Variants in SORCS3 observed in about 807,000 individuals in gnomAD.
SORCS3 encodes VPS10 domain-containing receptor SorCS3.
In SORCS3, 57 loss-of-function variants were observed where a neutral mutation model predicts 146.3. The observed-to-expected ratio is 0.39, with a 90% CI of 0.31 to 0.49. The LOEUF is 0.49. SORCS3 is among the 20% of genes least tolerant of loss of function. The probability of loss-of-function intolerance (pLI) is 0.92; values close to 1 mark genes in which losing one functional copy is unlikely to be tolerated. For missense variants in SORCS3, 1,341 were observed against 1,575.5 expected (o/e 0.85, Z 2.52); for synonymous variants, 653 against 618.5 (o/e 1.06, Z -0.83).
chr10:105,191,938 T>C (rs572912310), intron 14 of SORCS3, among the ~76,000 whole-genome samples: 3 of 152,250 alleles, frequency 2.0e-5, no homozygotes, highest in African/African-American at 4.8e-5. Flanking sequence ...CCAAATACAA[T>C]GTCTAGACTA....
At chr10:104,914,373 G>C (rs2019003381) in intron 2 of SORCS3, among the ~76,000 whole-genome samples, 1 of 152,294 alleles carries the variant, frequency 6.6e-6, no homozygotes, top group Non-Finnish European at 1.5e-5. Context: ...GCAGAAAAGA[G>C]AGGAGCGGTG....
intron 7 of SORCS3, among the ~76,000 whole-genome samples, chr10:105,112,548 G>A (rs1384166867): frequency 6.6e-6 from 1 of 152,122 alleles, no homozygotes; most frequent in African/African-American, 2.4e-5. Flanking sequence ...GATGCTATAT[G>A]AGCACAGTAT....
At chr10:104,735,644 C>T (rs1051518002) in intron 1 of SORCS3, among the ~76,000 whole-genome samples, 6 of 151,740 alleles carry the variant, frequency 4.0e-5, no homozygotes, top group Admixed American at 1.3e-4. Flanking sequence ...GCAGTGATAG[C>T]GGAAATTAAT....
chr10:104,689,128 T>G (rs1044637842), intron 1 of SORCS3, among the ~76,000 whole-genome samples: 1 of 152,192 alleles, frequency 6.6e-6, no homozygotes, highest in African/African-American at 2.4e-5. Flanking sequence ...TGCTTCATTT[T>G]CCATCACTCC....
chr10:104,686,851 A>T (rs1047488873), intron 1 of SORCS3, among the ~76,000 whole-genome samples: 2 of 151,810 alleles, frequency 1.3e-5, no homozygotes, highest in Non-Finnish European at 2.9e-5. Context: ...TCATTCATCC[A>T]CCTACCCATC....
intron 1 of SORCS3, among the ~76,000 whole-genome samples, chr10:104,714,934 G>A (rs1171229589): frequency 3.1e-4 from 47 of 152,192 alleles, no homozygotes; most frequent in Admixed American, 3.1e-3. Flanking sequence ...GAGTCAAGAG[G>A]ACAGGGAGGA....
At chr10:104,694,853 A>G (rs940940019) in intron 1 of SORCS3, among the ~76,000 whole-genome samples, 5 of 152,184 alleles carry the variant, frequency 3.3e-5, no homozygotes, top group African/African-American at 9.7e-5. Flanking sequence ...ATTATATGAG[A>G]TTATTGATAT....
intron 1 of SORCS3, among the ~76,000 whole-genome samples, chr10:104,643,400 T>C (rs2015451376): frequency 6.6e-6 from 1 of 152,224 alleles, no homozygotes; most frequent in Admixed American, 6.5e-5. Flanking sequence ...TTTCTAATGA[T>C]GCACAGCGCG....
At chr10:105,173,658 C>T (rs2056378112) in intron 13 of SORCS3, among the ~76,000 whole-genome samples, 1 of 152,126 alleles carries the variant, frequency 6.6e-6, no homozygotes, top group Admixed American at 6.5e-5. Context: ...TCTTTTAAAG[C>T]TTAAATCAAA....
intron 4 of SORCS3, among the ~76,000 whole-genome samples, chr10:105,021,586 C>T (rs766584267): frequency 1.1e-4 from 17 of 152,084 alleles, no homozygotes; most frequent in Middle Eastern, 3.2e-3. Flanking sequence ...ATGAATAATT[C>T]GAAGAACTAG....
rs745909882 is a variant in SORCS3 at position 105,256,926 on chromosome 10, T to C, written c.3443+2T>C. ...GTTTTTGATCTACAAGTTTAAAAGG[T>C]ATGTCCTATTATCACTCAATTTAGT... On this transcript the variant is annotated splice_donor_variant, in intron 25 of 26. Coordinates refer to ENST00000369701, the MANE Select transcript of SORCS3 (RefSeq NM_014978.3). LOFTEE classifies it high-confidence loss of function. The C allele has an allele frequency of 1.2e-6, 2 of 1,600,136 alleles. No individual in the cohort carries two copies. The highest frequency in any genetic ancestry group is 1.7e-6 in the Non-Finnish European group (2 of 1,167,244).
chr10:104,707,772 T>C (rs1440356717), intron 1 of SORCS3, among the ~76,000 whole-genome samples: 1 of 152,232 alleles, frequency 6.6e-6, no homozygotes. Flanking sequence ...TCCTGCCTAT[T>C]TCCGAAACCA....
chr10:104,739,055 G>C (rs2016811050), intron 1 of SORCS3, among the ~76,000 whole-genome samples: 1 of 152,148 alleles, frequency 6.6e-6, no homozygotes, highest in Admixed American at 6.5e-5. Flanking sequence ...ACACAAGGAA[G>C]CCATTGGCTA....
intron 2 of SORCS3, among the ~76,000 whole-genome samples, chr10:104,915,599 C>A (rs1023437604): frequency 2.0e-5 from 3 of 151,990 alleles, no homozygotes; most frequent in African/African-American, 7.3e-5. Flanking sequence ...TCACAAAGGG[C>A]GAAAAAGTAG....
intron 7 of SORCS3, 120 bp from the exon 8 acceptor site, chr10:105,139,277 A>T (rs778247727): frequency 2.6e-6 from 2 of 755,942 alleles, no homozygotes; most frequent in Non-Finnish European, 4.6e-6. Context: ...GCCAGCAAGG[A>T]ATATTCTCTA....
At chr10:105,007,473 GAAAC>G (rs921906811) in intron 4 of SORCS3, among the ~76,000 whole-genome samples, 1 of 152,086 alleles carries the variant, frequency 6.6e-6, no homozygotes, top group Non-Finnish European at 1.5e-5. Flanking sequence ...TCCTCCCAGA[GAAAC>G]AAACAAACAT....
rs558432754 is a variant in SORCS3 at position 104,986,227 on chromosome 10, A to G, written c.954+8734A>G. On this transcript the variant is annotated intron_variant, in intron 4 of 26. Coordinates refer to ENST00000369701, the MANE Select transcript of SORCS3 (RefSeq NM_014978.3). ...ACTTGCTGCTTTACCTTTCACTTGTATGTTATGGAGATGGCTTATTTCCTT... is the reference window on the plus strand; with the variant it reads ...ACTTGCTGCTTTACCTTTCACTTGTGTGTTATGGAGATGGCTTATTTCCTT... Among the ~76,000 whole-genome samples, 65 of 152,304 alleles carry G rather than the reference A, an allele frequency of 4.3e-4. No individual in the cohort carries two copies. In the South Asian group the frequency reaches 4.8e-3, roughly 11 times the overall value.
intron 1 of SORCS3, among the ~76,000 whole-genome samples, chr10:104,700,107 G>T (rs2016262388): frequency 6.6e-6 from 1 of 152,212 alleles, no homozygotes; most frequent in Non-Finnish European, 1.5e-5. Flanking sequence ...GTGATTTTAG[G>T]AGTGGGTGGT....
At chr10:105,064,528 A>G (rs903647099) in intron 5 of SORCS3, among the ~76,000 whole-genome samples, 1 of 152,214 alleles carries the variant, frequency 6.6e-6, no homozygotes, top group East Asian at 1.9e-4. Context: ...TCCAAGTCCA[A>G]CAGTCTCAGA....
Sources: allele counts gnomAD v4.1 joint callset (sites outside exome capture counted in the v4.1 genomes callset), GRCh38; gene constraint gnomAD v4.1.1; transcripts MANE v1.5; gene names NCBI Gene and HGNC (gene_info 2026-07-23, HGNC 2026-07-21).